Variants in UBE2E1 observed in about 807,000 individuals in gnomAD.
UBE2E1 encodes ubiquitin-conjugating enzyme E2 E1.
Under a neutral mutation model 21.4 loss-of-function variants are expected in UBE2E1, and 6 were observed. The ratio of observed to expected loss-of-function variants is 0.28; its 90% CI spans 0.15 to 0.55. The LOEUF is 0.55. Among genes scored for constraint, UBE2E1 ranks in the 20% least tolerant of loss-of-function variants. The probability of loss-of-function intolerance (pLI) is 0.93; values close to 1 mark genes in which losing one functional copy is unlikely to be tolerated. For missense variants in UBE2E1, 142 were observed against 236.5 expected (o/e 0.60, Z 2.62); for synonymous variants, 87 against 82.7 (o/e 1.05, Z -0.28).
chr3:23,828,368 A>G (rs946026143), intron 3 of UBE2E1, among the ~76,000 whole-genome samples: 1 of 152,236 alleles, frequency 6.6e-6, no homozygotes, highest in Non-Finnish European at 1.5e-5. Flanking sequence ...TTGTATGTAA[A>G]TGTAATATAA....
chr3:23,820,670 A>G (rs560033504), intron 3 of UBE2E1, among the ~76,000 whole-genome samples: 2 of 152,308 alleles, frequency 1.3e-5, no homozygotes, highest in South Asian at 2.1e-4. Flanking sequence ...CCTCTTATAT[A>G]GCATTCAAAG....
chr3:23,858,240 A>G (rs1334752088), intron 3 of UBE2E1, among the ~76,000 whole-genome samples: 1 of 152,212 alleles, frequency 6.6e-6, no homozygotes, highest in African/African-American at 2.4e-5. Flanking sequence ...TTTTGCAAGG[A>G]CATTGAAAAA....
chr3:23,845,825 A>G (rs1256128107), intron 3 of UBE2E1, among the ~76,000 whole-genome samples: 2 of 152,188 alleles, frequency 1.3e-5, no homozygotes, highest in Admixed American at 6.5e-5. Flanking sequence ...GTGTTCCAAT[A>G]CAGCTTTATT....
intron 2 of UBE2E1, chr3:23,811,024 G>C (rs1410006557): frequency 5.6e-6 from 1 of 177,810 alleles, no homozygotes; most frequent in African/African-American, 2.4e-5. Flanking sequence ...GCCGGGGTGG[G>C]CATGGGGGCA....
intron 3 of UBE2E1, among the ~76,000 whole-genome samples, chr3:23,883,923 A>G (rs947407599): frequency 6.6e-6 from 1 of 150,578 alleles, no homozygotes; most frequent in Non-Finnish European, 1.5e-5. Context: ...AAAAAAAAAA[A>G]GTTTGATATT....
intron 1 of UBE2E1, 25 bp from the exon 2 acceptor site, chr3:23,807,212 C>T: frequency 6.4e-7 from 1 of 1,555,164 alleles, no homozygotes; most frequent in Non-Finnish European, 8.7e-7. Flanking sequence ...TTGTGTGTTT[C>T]TGTTTTGTTT....
At chr3:23,845,589 C>CTCTCTCTCTCTG (rs1553637998) in intron 3 of UBE2E1, among the ~76,000 whole-genome samples, 3 of 121,288 alleles carry the variant, frequency 2.5e-5, no homozygotes, top group African/African-American at 9.7e-5. Context: ...CTCTCTCTCT[C>CTCTCTCTCTCTG]TGTGTGTGTG....
rs1405740070 is a variant in UBE2E1, at chr3:23,807,624, G to A, written c.152+203G>A. The stretch of plus-strand genomic sequence containing the variant: ...ATCATTGCTCACATGCAGCTGTTGC[G>A]GCTTGCCTCTCGCATTTCTTGCTGA... On this transcript the variant is annotated intron_variant, in intron 2 of 5. Transcript: ENST00000306627. 13 of 537,504 alleles carry A rather than the reference G, an allele frequency of 2.4e-5. No individual in the cohort carries two copies. The East Asian group carries it at 3.8e-4, about 16-fold the overall frequency. The allele number at this position is 537,504 out of a possible 1,614,324, so 33.3% of individuals were successfully genotyped here. A position where few individuals can be genotyped will look rare whatever the true frequency, so the allele number is the denominator to read the frequency against.
intron 3 of UBE2E1, among the ~76,000 whole-genome samples, chr3:23,886,715 G>C (rs188860301): frequency 6.6e-6 from 1 of 152,180 alleles, no homozygotes; most frequent in Non-Finnish European, 1.5e-5. Flanking sequence ...CATCTTGAAG[G>C]AGTTTGTCTT....
At chr3:23,868,109 C>G (rs1700696498) in intron 3 of UBE2E1, among the ~76,000 whole-genome samples, 2 of 152,192 alleles carry the variant, frequency 1.3e-5, no homozygotes. Flanking sequence ...GATCTCCCCT[C>G]AGTTCCTAAG....
At chr3:23,811,974 T>C (rs1404664062) in intron 3 of UBE2E1, among the ~76,000 whole-genome samples, 1 of 152,252 alleles carries the variant, frequency 6.6e-6, no homozygotes, top group Non-Finnish European at 1.5e-5. Context: ...ATTAGACTTT[T>C]GGCAGAGCAA....
At chr3:23,847,301 C>T (rs1330724323) in intron 3 of UBE2E1, among the ~76,000 whole-genome samples, 2 of 151,810 alleles carry the variant, frequency 1.3e-5, no homozygotes, top group Admixed American at 6.6e-5. Context: ...AGAAGACATC[C>T]ATTAATGTCA....
In UBE2E1 at chr3:23,863,358, A is replaced by G. The variant is rs928764197; in HGVS notation, c.204-24209A>G. 1.4e-4 allele frequency among the ~76,000 whole-genome samples: 21 copies of G among 150,906 alleles called. No homozygotes were observed. Among genetic ancestry groups the G allele is most frequent in the African/African-American group, 3.9e-4 (16 of 40,952 alleles). On this transcript the variant is annotated intron_variant, in intron 3 of 5. Coordinates refer to ENST00000306627, the MANE Select transcript of UBE2E1 (RefSeq NM_003341.5). The surrounding 1 kb of genome is among the most constrained non-coding windows in gnomAD (Gnocchi z 4.3). ...GTTACTTTTCCTTCCTTGCTTGACTACCTCCCTCCCCAAGTTATTCTCTCA... is the reference window on the plus strand; with the variant it reads ...GTTACTTTTCCTTCCTTGCTTGACTGCCTCCCTCCCCAAGTTATTCTCTCA...
intron 3 of UBE2E1, among the ~76,000 whole-genome samples, chr3:23,858,216 C>T (rs1422828427): frequency 6.6e-6 from 1 of 152,122 alleles, no homozygotes; most frequent in Non-Finnish European, 1.5e-5. Flanking sequence ...CATAGGGCTA[C>T]TAATTTTATT....
chr3:23,876,273 C>G lies in UBE2E1; in HGVS notation c.204-11294C>G, dbSNP rs1700912379. Among the ~76,000 whole-genome samples, 1 of 152,146 alleles carries G rather than the reference C, an allele frequency of 6.6e-6. No homozygotes were observed. The highest frequency in any genetic ancestry group is 2.1e-4 in the South Asian group (1 of 4,828). Reference sequence around the variant, plus strand: ...TATTAGGACTATGGCAGTGGTCGCCCTGCTTTTTAATAGCACTTACAAAAT... The same window carrying G: ...TATTAGGACTATGGCAGTGGTCGCCGTGCTTTTTAATAGCACTTACAAAAT... On this transcript the variant is annotated intron_variant, in intron 3 of 5. Transcript: ENST00000306627. The surrounding 1 kb of genome is among the most constrained non-coding windows in gnomAD (Gnocchi z 4.3).
At chr3:23,813,236 C>A (rs1699441476) in intron 3 of UBE2E1, among the ~76,000 whole-genome samples, 2 of 152,116 alleles carry the variant, frequency 1.3e-5, no homozygotes, top group Admixed American at 1.3e-4. Flanking sequence ...TAAGAAAAAT[C>A]TCTGATTTGA....
chr3:23,882,865 C>T (rs1339173894), intron 3 of UBE2E1, among the ~76,000 whole-genome samples: 1 of 152,210 alleles, frequency 6.6e-6, no homozygotes, highest in African/African-American at 2.4e-5. Flanking sequence ...ACCCGGAACT[C>T]TCGCTGTTCC....
At chr3:23,890,441 T>A in intron 5 of UBE2E1, 68 bp from the exon 6 acceptor site, 1 of 1,490,868 alleles carries the variant, frequency 6.7e-7, no homozygotes, top group Non-Finnish European at 9.2e-7. Flanking sequence ...ACCCAAGCTG[T>A]CACTATTCGC....
Position 23,841,417 on chromosome 3 carries a change from C to T in UBE2E1, c.203+29907C>T, listed in dbSNP as rs1266113010. Among the ~76,000 whole-genome samples, 4 of 151,688 alleles carry T rather than the reference C, an allele frequency of 2.6e-5. No individual in the cohort carries two copies. In the East Asian group the frequency reaches 7.7e-4, roughly 29 times the overall value. On this transcript the variant is annotated intron_variant, in intron 3 of 5. Coordinates refer to ENST00000306627, the MANE Select transcript of UBE2E1 (RefSeq NM_003341.5). ...TTTTTCTGTCTCTCTACTCTTCTTA[C>T]TCAGAATTAGATGTGCTTTGAGCAC...
Sources: allele counts gnomAD v4.1 joint callset (sites outside exome capture counted in the v4.1 genomes callset), GRCh38; gene constraint gnomAD v4.1.1; non-coding constraint Gnocchi (gnomAD v3.1); transcripts MANE v1.5; gene names NCBI Gene and HGNC (gene_info 2026-07-23, HGNC 2026-07-21).